Variants in CNTNAP5 observed in about 807,000 individuals in gnomAD.
CNTNAP5 encodes the protein contactin associated protein family member 5, also known as contactin-associated protein-like 5.
In CNTNAP5, 72 loss-of-function variants were observed where a neutral mutation model predicts 150.2. The observed-to-expected ratio is 0.48, with a 90% CI of 0.40 to 0.58. The LOEUF (loss-of-function observed/expected upper bound fraction) is 0.58, where lower values mean the gene tolerates loss of function less well. CNTNAP5 is among the 20% of genes least tolerant of loss of function. CNTNAP5 has a pLI of 0.00. For missense variants in CNTNAP5, 1,636 were observed against 1,626.2 expected (o/e 1.01, Z -0.10); for synonymous variants, 672 against 619.8 (o/e 1.08, Z -1.25).
intron 13 of CNTNAP5, among the ~76,000 whole-genome samples, chr2:124,744,973 T>C (rs949099834): frequency 6.6e-6 from 1 of 152,244 alleles, no homozygotes; most frequent in Non-Finnish European, 1.5e-5. Flanking sequence ...TCTTGCTTGT[T>C]GAGAGTCATT....
At chr2:124,535,606 CAAAAAA>C (rs1168717177) in intron 10 of CNTNAP5, among the ~76,000 whole-genome samples, 3 of 76,018 alleles carry the variant, frequency 3.9e-5, no homozygotes, top group Admixed American at 1.5e-4. Context: ...TACTGAAATA[CAAAAAA>C]AAAAAAAAAA....
At chr2:124,308,776 C>T (rs1414915143) in intron 3 of CNTNAP5, among the ~76,000 whole-genome samples, 2 of 152,210 alleles carry the variant, frequency 1.3e-5, no homozygotes, top group Admixed American at 6.5e-5. Context: ...TTGCATGTTA[C>T]ACTGAAAAAT....
At chr2:124,349,645 G>C in intron 3 of CNTNAP5, among the ~76,000 whole-genome samples, 1 of 152,090 alleles carries the variant, frequency 6.6e-6, no homozygotes, top group Non-Finnish European at 1.5e-5. Context: ...CAATTCAGTG[G>C]CATTTCCTTC....
intron 8 of CNTNAP5, among the ~76,000 whole-genome samples, chr2:124,513,559 C>T (rs1428526672): frequency 2.6e-5 from 4 of 152,166 alleles, no homozygotes; most frequent in African/African-American, 9.7e-5. Flanking sequence ...CACACGTCTT[C>T]CATAACTATT....
chr2:124,336,689 G>A (rs1257742702), intron 3 of CNTNAP5, among the ~76,000 whole-genome samples: 4 of 151,830 alleles, frequency 2.6e-5, no homozygotes, highest in African/African-American at 9.7e-5. Context: ...CCATGTCCCT[G>A]CAAAGGACAT....
At chr2:124,415,397 A>G (rs1691892013) in intron 3 of CNTNAP5, among the ~76,000 whole-genome samples, 1 of 152,210 alleles carries the variant, frequency 6.6e-6, no homozygotes, top group Non-Finnish European at 1.5e-5. Flanking sequence ...TTTCAGAGCT[A>G]TTAGCTAGCG....
At chr2:124,849,898 T>A (rs181653664) in intron 19 of CNTNAP5, among the ~76,000 whole-genome samples, 3 of 152,160 alleles carry the variant, frequency 2.0e-5, no homozygotes, top group African/African-American at 7.2e-5. Context: ...TTATTTTCTA[T>A]GATGGGGGCT....
intron 5 of CNTNAP5, among the ~76,000 whole-genome samples, chr2:124,437,514 A>T (rs1692563191): frequency 6.6e-6 from 1 of 152,194 alleles, no homozygotes; most frequent in Non-Finnish European, 1.5e-5. Context: ...TTAGATTATA[A>T]AATATATATC....
intron 13 of CNTNAP5, among the ~76,000 whole-genome samples, chr2:124,663,989 C>T (rs1678646267): frequency 6.6e-6 from 1 of 152,148 alleles, no homozygotes; most frequent in Non-Finnish European, 1.5e-5. Flanking sequence ...TTTTCTAACT[C>T]TCTGAGTTTT....
intron 21 of CNTNAP5, among the ~76,000 whole-genome samples, chr2:124,871,635 C>T (rs1007263434): frequency 1.2e-4 from 18 of 152,102 alleles, no homozygotes; most frequent in Admixed American, 2.0e-4. Flanking sequence ...TTCTGGCTTC[C>T]CCGGTTGCTA....
At chr2:124,220,080 C>T (rs1018107006) in intron 1 of CNTNAP5, among the ~76,000 whole-genome samples, 3 of 151,616 alleles carry the variant, frequency 2.0e-5, no homozygotes, top group African/African-American at 7.3e-5. Flanking sequence ...AATTTTCCTG[C>T]AGTTAGTTAA....
At chr2:124,214,487 T>C (rs1686106223) in intron 1 of CNTNAP5, among the ~76,000 whole-genome samples, 1 of 152,180 alleles carries the variant, frequency 6.6e-6, no homozygotes, top group Non-Finnish European at 1.5e-5. Flanking sequence ...TTACTTTTAC[T>C]CTCTGCAAAG....
chr2:124,324,892 G>T (rs1689179755), intron 3 of CNTNAP5, among the ~76,000 whole-genome samples: 1 of 152,166 alleles, frequency 6.6e-6, no homozygotes, highest in Admixed American at 6.5e-5. Context: ...AATCTTGATT[G>T]AAGTATTATG....
chr2:124,716,273 C>A (rs977429992), intron 13 of CNTNAP5, among the ~76,000 whole-genome samples: 5 of 152,052 alleles, frequency 3.3e-5, no homozygotes, highest in Admixed American at 6.6e-5. Context: ...ATGGTAATAA[C>A]CCTAAATGTG....
intron 6 of CNTNAP5, among the ~76,000 whole-genome samples, chr2:124,462,197 G>T (rs1693272032): frequency 6.6e-6 from 1 of 151,970 alleles, no homozygotes; most frequent in Admixed American, 6.6e-5. Context: ...TTGACCAGAG[G>T]TTTATCTGGG....
chr2:124,772,479 G>A (rs183668375), intron 16 of CNTNAP5, among the ~76,000 whole-genome samples: 242 of 152,180 alleles, frequency 1.6e-3, no homozygotes, highest in Middle Eastern at 0.01. Flanking sequence ...ATATCCTGGA[G>A]GACACAGCTG....
intron 3 of CNTNAP5, among the ~76,000 whole-genome samples, chr2:124,376,063 A>G (rs1347916063): frequency 2.0e-5 from 3 of 152,098 alleles, no homozygotes; most frequent in East Asian, 3.9e-4. Context: ...GGGAGAAGAA[A>G]TAATATAGTA....
chr2:124,208,706 C>G (rs935108520), intron 1 of CNTNAP5, among the ~76,000 whole-genome samples: 3 of 152,146 alleles, frequency 2.0e-5, no homozygotes, highest in Non-Finnish European at 2.9e-5. Flanking sequence ...ATACAAAAAT[C>G]CAGACCAAGA....
At chr2:124,846,092 A>T (rs1683042146) in intron 19 of CNTNAP5, among the ~76,000 whole-genome samples, 1 of 151,774 alleles carries the variant, frequency 6.6e-6, no homozygotes, top group South Asian at 2.1e-4. Context: ...ATGAGGTGTG[A>T]CCTTAGATTG....
Sources: gnomAD v4.1 joint callset for allele counts (sites outside exome capture counted in the v4.1 genomes callset) on GRCh38, gnomAD v4.1.1 for gene constraint, MANE v1.5 for transcripts, NCBI Gene and HGNC (gene_info 2026-07-23, HGNC 2026-07-21) for gene names.